MEGF11: variants seen among roughly 807,000 people sequenced by gnomAD.
MEGF11 encodes the protein multiple epidermal growth factor-like domains protein 11.
Under a neutral mutation model 146.6 loss-of-function variants are expected in MEGF11, and 126 were observed. That is an observed-to-expected ratio of 0.86 (90% CI 0.74 to 1.00). The LOEUF (loss-of-function observed/expected upper bound fraction) is 1.00. MEGF11 is among the 50% of genes least tolerant of loss of function. The probability of loss-of-function intolerance (pLI) is 0.00; values close to 1 mark genes in which losing one functional copy is unlikely to be tolerated. For synonymous variants in MEGF11, 532 were observed against 583.4 expected (o/e 0.91, Z 1.27); for missense variants, 1,509 against 1,521.2 (o/e 0.99, Z 0.13).
rs577375301 is a variant in MEGF11 at position 66,217,613 on chromosome 15, G to A, written c.-9+35992C>T. 2.0e-5 allele frequency among the ~76,000 whole-genome samples: 3 copies of A among 152,376 alleles called. No individual in the cohort carries two copies. The South Asian group carries it at 6.2e-4, about 32-fold the overall frequency. ...TACCTGGCCAGGGGATTAAGGCACAGGAAAGGGAATTTTCATGGCCAAGAT... is the reference window on the plus strand; with the variant it reads ...TACCTGGCCAGGGGATTAAGGCACAAGAAAGGGAATTTTCATGGCCAAGAT... On this transcript the variant is annotated intron_variant, in intron 1 of 25. Coordinates refer to ENST00000395614, the MANE Select transcript of MEGF11 (RefSeq NM_001385028.1).
At chr15:65,948,248 T>G (rs1017288649) in intron 10 of MEGF11, among the ~76,000 whole-genome samples, 1 of 151,902 alleles carries the variant, frequency 6.6e-6, no homozygotes, top group African/African-American at 2.4e-5. Flanking sequence ...TCGCCTGTAT[T>G]CCATCCCAGC....
At chr15:65,984,785 T>TA (rs2081795081) in intron 5 of MEGF11, among the ~76,000 whole-genome samples, 1 of 152,144 alleles carries the variant, frequency 6.6e-6, no homozygotes, top group African/African-American at 2.4e-5. Flanking sequence ...TTTATTTATT[T>TA]TGAGACAGAG....
At chr15:65,911,146 C>T (rs2078791791) in intron 21 of MEGF11, among the ~76,000 whole-genome samples, 1 of 152,200 alleles carries the variant, frequency 6.6e-6, no homozygotes, top group South Asian at 2.1e-4. Context: ...CAGGGAAGGT[C>T]CTGTCCAGAA....
chr15:65,940,575 G>A (rs1364281189), intron 10 of MEGF11, among the ~76,000 whole-genome samples: 2 of 152,234 alleles, frequency 1.3e-5, no homozygotes, highest in Non-Finnish European at 2.9e-5. Context: ...CCTAATTGGT[G>A]CGTCACTGAT....
intron 25 of MEGF11, 41 bp downstream of exon 25, chr15:65,898,687 A>C: frequency 1.2e-6 from 2 of 1,610,122 alleles, no homozygotes; most frequent in Non-Finnish European, 1.7e-6. Flanking sequence ...ATGCTGCACT[A>C]TTGCCCTGAT....
chr15:66,033,141 T>C (rs2083596276), intron 5 of MEGF11, among the ~76,000 whole-genome samples: 1 of 147,296 alleles, frequency 6.8e-6, no homozygotes, highest in South Asian at 2.1e-4. Flanking sequence ...ATTTGCAGCC[T>C]AGTCATGCAA....
rs993681925 is a variant in MEGF11 at position 66,061,349 on chromosome 15, A to G, written c.394+33053T>C. ...CTGGCCAGGGCAGTTTTCCCACCTC[A>G]CTGTCCCCTTCTCCTAACATGGGGC... On this transcript the variant is annotated intron_variant, in intron 5 of 25. Coordinates refer to ENST00000395614, the MANE Select transcript of MEGF11 (RefSeq NM_001385028.1). 2.0e-5 allele frequency among the ~76,000 whole-genome samples: 3 copies of G among 152,114 alleles called. No individual in the cohort carries two copies. In the South Asian group the frequency reaches 6.2e-4, roughly 32 times the overall value.
intron 7 of MEGF11, among the ~76,000 whole-genome samples, chr15:65,975,071 T>C (rs2081406985): frequency 6.6e-6 from 1 of 152,166 alleles, no homozygotes; most frequent in South Asian, 2.1e-4. Context: ...GGTCTTGAAC[T>C]CCTGACCTCA....
intron 5 of MEGF11, among the ~76,000 whole-genome samples, chr15:66,031,780 A>G (rs1228223378): frequency 6.6e-6 from 1 of 152,206 alleles, no homozygotes; most frequent in Non-Finnish European, 1.5e-5. Context: ...TGTGTCTCCC[A>G]AAAGTTCGTG....
At chr15:66,050,559 G>A (rs185011105) in intron 5 of MEGF11, among the ~76,000 whole-genome samples, 1 of 152,320 alleles carries the variant, frequency 6.6e-6, no homozygotes, top group Admixed American at 6.5e-5. Context: ...ATCACACGGG[G>A]CCTTAGACAC....
In MEGF11 at chr15:66,157,876, A is replaced by AT. The variant is rs202040106; in HGVS notation, c.-8-29466dup. 7.5e-3 allele frequency among the ~76,000 whole-genome samples: 1,139 copies of AT among 152,078 alleles called. 16 individuals carry two copies. Among genetic ancestry groups the AT allele is most frequent in the African/African-American group, 0.026 (1,066 of 41,460 alleles). On this transcript the variant is annotated intron_variant, in intron 1 of 25. Transcript: ENST00000395614. Reference sequence around the variant, plus strand: ...GAAGGTTAAAGTTTTGTTGCAAAGTATTTTTTTTAATTTTAAATGAAAGAG... The same window carrying AT: ...GAAGGTTAAAGTTTTGTTGCAAAGTATTTTTTTTTAATTTTAAATGAAAGAG...
chr15:65,992,427 G>A (rs962958882), intron 5 of MEGF11, among the ~76,000 whole-genome samples: 8 of 117,958 alleles, frequency 6.8e-5, no homozygotes, highest in Non-Finnish European at 1.0e-4. Context: ...AAACAACCCC[G>A]TTTGTGCCTC....
At chr15:66,119,013 T>A in intron 4 of MEGF11, 73 bp downstream of exon 4, 5 of 870,586 alleles carry the variant, frequency 5.7e-6, no homozygotes, top group Non-Finnish European at 9.1e-6. Flanking sequence ...CAGCCCCACC[T>A]CCCCTCCCCT....
chr15:66,206,263 G>A (rs1394532952), intron 1 of MEGF11, among the ~76,000 whole-genome samples: 3 of 152,164 alleles, frequency 2.0e-5, no homozygotes, highest in Non-Finnish European at 2.9e-5. Context: ...TGAAAAAAAT[G>A]CAGCTTCGGG....
chr15:65,976,233 G>A (rs1000621670), intron 7 of MEGF11, among the ~76,000 whole-genome samples: 1 of 151,984 alleles, frequency 6.6e-6, no homozygotes, highest in African/African-American at 2.4e-5. Flanking sequence ...TAGAGACTGG[G>A]TTTCATCATG....
At chr15:66,026,121 C>A (rs2083323244) in intron 5 of MEGF11, among the ~76,000 whole-genome samples, 1 of 152,268 alleles carries the variant, frequency 6.6e-6, no homozygotes. Context: ...ATTTCCCCCA[C>A]TCCCCAAAGC....
At chr15:65,911,689 G>A (rs1485844297) in intron 21 of MEGF11, among the ~76,000 whole-genome samples, 2 of 152,222 alleles carry the variant, frequency 1.3e-5, no homozygotes, top group Non-Finnish European at 2.9e-5. Flanking sequence ...GGGATTACAG[G>A]CGTGAGCCAC....
intron 5 of MEGF11, among the ~76,000 whole-genome samples, chr15:66,006,306 T>C (rs928292771): frequency 6.6e-6 from 1 of 152,196 alleles, no homozygotes; most frequent in East Asian, 1.9e-4. Flanking sequence ...TAATGTTTTA[T>C]GCACCTAGGC....
At chr15:66,170,004 A>G (rs1419782720) in intron 1 of MEGF11, among the ~76,000 whole-genome samples, 3 of 107,038 alleles carry the variant, frequency 2.8e-5, no homozygotes, top group Non-Finnish European at 6.5e-5. Context: ...TTACTAAGAG[A>G]CCGTCTGCCG....
Sources: allele counts gnomAD v4.1 joint callset (sites outside exome capture counted in the v4.1 genomes callset), GRCh38; gene constraint gnomAD v4.1.1; transcripts MANE v1.5; gene names NCBI Gene and HGNC (gene_info 2026-07-23, HGNC 2026-07-21).